Variants in FCHO1 observed in about 807,000 individuals in gnomAD.
FCHO1 encodes F-BAR domain only protein 1.
In FCHO1, 45 loss-of-function variants were observed where a neutral mutation model predicts 114.4. That is an observed-to-expected ratio of 0.39 (90% confidence interval 0.31 to 0.50). FCHO1 has a LOEUF of 0.50. FCHO1 is among the 20% of genes least tolerant of loss of function. FCHO1 has a pLI of 0.77. For missense variants in FCHO1, 1,042 were observed against 1,209.6 expected, an observed-to-expected ratio of 0.86 and a Z score of 2.06; for synonymous variants, 480 against 488.9, an observed-to-expected ratio of 0.98 and a Z score of 0.24.
At chr19:17,770,676 C>G in intron 8 of FCHO1, 99 bp downstream of exon 8, 2 of 1,578,496 alleles carry the variant, frequency 1.3e-6, no homozygotes, top group South Asian at 2.3e-5. Context: ...GGTCCTGGAA[C>G]CTGTGGGTGA....
intron 11 of FCHO1, among the ~76,000 whole-genome samples, chr19:17,773,445 C>T (rs978303789): frequency 1.2e-4 from 19 of 152,240 alleles, no homozygotes; most frequent in Non-Finnish European, 2.2e-4. Flanking sequence ...TCCCTCCTGT[C>T]GCTCTGGCTC....
Position 17,784,032 on chromosome 19 carries a change from G to A in FCHO1, c.2094-71G>A. 2 of 1,554,508 alleles carry A rather than the reference G, an allele frequency of 1.3e-6. No individual in the cohort carries two copies. The highest frequency in any genetic ancestry group is 8.8e-7 in the Non-Finnish European group (1 of 1,139,016). The stretch of plus-strand genomic sequence containing the variant: ...CAGGAAATTGCATCTTTAGGAAGGG[G>A]TAGATTGAATGCTGGGAGCCCTGGG... On this transcript the variant is annotated intron_variant, in intron 24 of 28. Coordinates refer to ENST00000596536, the MANE Select transcript of FCHO1 (RefSeq NM_015122.3). This position sits in a 1 kb window ranked among gnomAD's most constrained non-coding sequence, Gnocchi z 5.3.
chr19:17,764,439 ACC>A lies in FCHO1; in HGVS notation c.188_189del (p.Pro63HisfsTer104). On this transcript the variant is annotated frameshift_variant, in exon 6 of 29. Coordinates refer to ENST00000596536, the MANE Select transcript of FCHO1 (RefSeq NM_015122.3). LOFTEE classifies it high-confidence loss of function. The stretch of plus-strand genomic sequence containing the variant: ...ACTCTCCAAGCTGGCCAGCAACGGG[ACC>A]CCCATGGGGTGAGTGGGGTAGGGGT... Reference protein sequence around the residue: ...AKLSKLASNGTPMGTFAPLWE... With the variant: ...AKLSKLASNGXPMGTFAPLWE... 6.2e-7 allele frequency: 1 copy of A among 1,612,574 alleles called. No individual in the cohort carries two copies. The highest frequency in any genetic ancestry group is 8.5e-7 in the Non-Finnish European group (1 of 1,179,394).
Position 17,772,449 on chromosome 19 carries a change from T to C in FCHO1, c.595-8T>C. On this transcript the variant is annotated splice_polypyrimidine_tract_variant and splice_region_variant and intron_variant, in intron 9 of 28. Coordinates refer to ENST00000596536, the MANE Select transcript of FCHO1 (RefSeq NM_015122.3). ...TCCTTTCCACCTGCCTCTGCCCTCCTGCTTCAGCGCTTCCAAGCCATGGAG... is the reference window on the plus strand; with the variant it reads ...TCCTTTCCACCTGCCTCTGCCCTCCCGCTTCAGCGCTTCCAAGCCATGGAG... 1 of 1,613,152 alleles carries C rather than the reference T, an allele frequency of 6.2e-7. No homozygotes were observed. The highest frequency in any genetic ancestry group is 8.5e-7 in the Non-Finnish European group (1 of 1,179,214).
rs1337756079 is a variant in FCHO1 at position 17,778,975 on chromosome 19, G to A, written c.1627+91G>A. 15 of 1,334,746 alleles carry A rather than the reference G, an allele frequency of 1.1e-5. No individual in the cohort carries two copies. In the African/African-American group the frequency reaches 1.8e-4, roughly 16 times the overall value. 82.7% of individuals were successfully genotyped at this position (1,334,746 alleles called of 1,614,324 possible). A position where few individuals can be genotyped will look rare whatever the true frequency, so the allele number is the denominator to read the frequency against. On this transcript the variant is annotated intron_variant, in intron 20 of 28. Transcript: ENST00000596536. ...TGGGCAGGGCCTGATCAGGCTGCTG[G>A]AGACACAGCCAGGACCAGGCAGGCA...
At chr19:17,781,646 T>G (rs2093420099) in intron 22 of FCHO1, 66 bp from the exon 23 acceptor site, 3 of 1,545,622 alleles carry the variant, frequency 1.9e-6, no homozygotes, top group Non-Finnish European at 2.7e-6. Flanking sequence ...GGAGGGAGTC[T>G]CGAGCCTGGA....
intron 4 of FCHO1, chr19:17,755,481 G>A: frequency 3.4e-6 from 1 of 291,808 alleles, no homozygotes; most frequent in Admixed American, 4.8e-5. Context: ...CAGAGTCAGT[G>A]CTCAAACCCA....
Position 17,774,444 on chromosome 19 carries a change from C to CGGCGGG in FCHO1, c.887_892dup (p.Arg297_Glu298insGlyArg). ...GGCCTTTCGCCTTCCAGGACTAAGCCGGCGGGAGCGGGAGCCAGAGCCACC... is the reference window on the plus strand; with the variant it reads ...GGCCTTTCGCCTTCCAGGACTAAGCCGGCGGGGGCGGGAGCGGGAGCCAGAGCCACC... On this transcript the variant is annotated inframe_insertion, in exon 13 of 29. Coordinates refer to ENST00000596536, the MANE Select transcript of FCHO1 (RefSeq NM_015122.3). 6.2e-7 allele frequency: 1 copy of CGGCGGG among 1,613,682 alleles called. No individual in the cohort carries two copies. The highest frequency in any genetic ancestry group is 8.5e-7 in the Non-Finnish European group (1 of 1,180,020).
chr19:17,785,596 G>A (rs1350182611), intron 26 of FCHO1, among the ~76,000 whole-genome samples: 6 of 152,170 alleles, frequency 3.9e-5, no homozygotes, highest in Non-Finnish European at 8.8e-5. Flanking sequence ...CACTTTGGGA[G>A]GCCGAGATGG....
intron 3 of FCHO1, 62 bp from the exon 4 acceptor site, chr19:17,755,055 CT>C: frequency 9.7e-7 from 1 of 1,026,628 alleles, no homozygotes; most frequent in South Asian, 1.3e-5. Flanking sequence ...CAGGGAGGGA[CT>C]TTCCCCCCAC....
chr19:17,772,602 A>G (rs371722255), intron 10 of FCHO1, 43 bp from the exon 11 acceptor site: 4 of 1,613,312 alleles, frequency 2.5e-6, no homozygotes, highest in Non-Finnish European at 3.4e-6. Flanking sequence ...ACTGCTGGGC[A>G]AAGGGGCCTT....
In FCHO1 at chr19:17,775,351, G is replaced by A; in HGVS notation, c.946-105G>A. The A allele has an allele frequency of 8.2e-7, 1 of 1,223,960 alleles. No individual in the cohort carries two copies. Among genetic ancestry groups the A allele is most frequent in the Non-Finnish European group, 1.2e-6 (1 of 828,324 alleles). The allele number at this position is 1,223,960 out of a possible 1,614,324, so 75.8% of individuals were successfully genotyped here. ...TCGTTGCCATCAGGGTTGGTTTTGA[G>A]GTCTGAGTCAAGGCCTGGGGGCAGG... On this transcript the variant is annotated intron_variant, in intron 14 of 28. Transcript: ENST00000596536. This position sits in a 1 kb window ranked among gnomAD's most constrained non-coding sequence, Gnocchi z 5.1.
intron 6 of FCHO1, 25 bp downstream of exon 6, chr19:17,764,474 A>C (rs776461187): frequency 6.3e-7 from 1 of 1,582,400 alleles, no homozygotes; most frequent in Non-Finnish European, 8.6e-7. Context: ...GGTCACCAAC[A>C]TGGGGACATT....
rs763585829 is a variant in FCHO1, at chr19:17,786,614, G to A, written c.2467G>A (p.Val823Met). The change falls in exon 27 of 29, where the codon GTG (valine) becomes ATG (methionine). Residue 823 changes from valine (V) to methionine (M), a missense_variant. Coordinates refer to ENST00000596536, the MANE Select transcript of FCHO1 (RefSeq NM_015122.3). ...EKRLTWRLPDVSEAGGSGRLS... is the reference protein window; with the variant it reads ...EKRLTWRLPDMSEAGGSGRLS... ...GCGGCTCACTTGGAGGCTTCCAGATGTGTCCGAGGCAGGCGGTGAGCTGTG... is the reference window on the plus strand; with the variant it reads ...GCGGCTCACTTGGAGGCTTCCAGATATGTCCGAGGCAGGCGGTGAGCTGTG... 1 of 1,598,112 alleles carries A rather than the reference G, an allele frequency of 6.3e-7. No individual in the cohort carries two copies. Among genetic ancestry groups the A allele is most frequent in the Admixed American group, 1.7e-5 (1 of 59,158 alleles).
intron 4 of FCHO1, among the ~76,000 whole-genome samples, chr19:17,757,529 G>A (rs2084085015): frequency 6.6e-6 from 1 of 152,198 alleles, no homozygotes; most frequent in South Asian, 2.1e-4. Flanking sequence ...AGGAAACTGA[G>A]GCCAGAGAGA....
Position 17,776,577 on chromosome 19 carries a change from A to G in FCHO1, c.1208-58A>G. The G allele has an allele frequency of 6.3e-7, 1 of 1,588,634 alleles. No individual in the cohort carries two copies. The highest frequency in any genetic ancestry group is 8.6e-7 in the Non-Finnish European group (1 of 1,157,296). On this transcript the variant is annotated intron_variant, in intron 17 of 28. Transcript: ENST00000596536. This position sits in a 1 kb window ranked among gnomAD's most constrained non-coding sequence, Gnocchi z 4.4. ...CGAGCCTCGGTCCCTTGGTCTGTGG[A>G]GTGGGGAGCATTGCAGGCAGGGTGA...
upstream of FCHO1, among the ~76,000 whole-genome samples, chr19:17,750,004 C>T (rs187098291): frequency 7.0e-4 from 106 of 152,248 alleles, no homozygotes; most frequent in Admixed American, 1.2e-3. Flanking sequence ...TCAGCGGCTC[C>T]GGACACCCAG....
At chr19:17,758,234 C>T (rs866641609) in intron 4 of FCHO1, among the ~76,000 whole-genome samples, 3 of 150,810 alleles carry the variant, frequency 2.0e-5, no homozygotes, top group African/African-American at 2.4e-5. Context: ...AAAGAGAAAA[C>T]GTATTCCTGG....
Position 17,776,451 on chromosome 19 carries a change from C to T in FCHO1, c.1207+180C>T, listed in dbSNP as rs1237407949. 6.6e-6 allele frequency among the ~76,000 whole-genome samples: 1 copy of T among 152,174 alleles called. No homozygotes were observed. The highest frequency in any genetic ancestry group is 1.9e-4 in the East Asian group (1 of 5,202). On this transcript the variant is annotated intron_variant, in intron 17 of 28. Transcript: ENST00000596536. This position sits in a 1 kb window ranked among gnomAD's most constrained non-coding sequence, Gnocchi z 4.4. ...ATTAAGTGAGAGCTGAAAGGGGTAG[C>T]TGGGGCCAGGAGAAGCTAGCATCTG...
Sources: gnomAD v4.1 joint callset for allele counts (sites outside exome capture counted in the v4.1 genomes callset) on GRCh38, gnomAD v4.1.1 for gene constraint, Gnocchi (gnomAD v3.1) non-coding constraint, MANE v1.5 for transcripts, NCBI Gene and HGNC (gene_info 2026-07-23, HGNC 2026-07-21) for gene names.